LOXHD1: variants seen among roughly 807,000 people sequenced by gnomAD.
LOXHD1 encodes the protein lipoxygenase homology domain-containing protein 1.
In LOXHD1, 205 loss-of-function variants were observed where a neutral mutation model predicts 248.2. That is an observed-to-expected ratio of 0.83 (90% CI 0.74 to 0.93). LOXHD1 has a LOEUF of 0.93. Among genes scored for constraint, LOXHD1 ranks in the 40% least tolerant of loss-of-function variants. The probability of loss-of-function intolerance (pLI) is 0.00; values close to 1 mark genes in which losing one functional copy is unlikely to be tolerated. For missense variants in LOXHD1, 2,930 were observed against 2,971.6 expected (o/e 0.99, Z 0.33); for synonymous variants, 1,113 against 1,162.8 (o/e 0.96, Z 0.87).
chr18:46,596,325 G>T (rs2038256367), intron 8 of LOXHD1, among the ~76,000 whole-genome samples: 2 of 152,078 alleles, frequency 1.3e-5, no homozygotes, highest in Admixed American at 1.3e-4. Flanking sequence ...GCTGCCAAGG[G>T]GTTACAGAGA....
At chr18:46,513,936 A>G (rs1402477992) in intron 34 of LOXHD1, among the ~76,000 whole-genome samples, 4 of 152,170 alleles carry the variant, frequency 2.6e-5, no homozygotes, top group Non-Finnish European at 5.9e-5. Flanking sequence ...AGTTGGCTTC[A>G]GTGATGATGT....
At chr18:46,644,749 A>T (rs1408500360) in intron 2 of LOXHD1, among the ~76,000 whole-genome samples, 1 of 152,128 alleles carries the variant, frequency 6.6e-6, no homozygotes, top group East Asian at 1.9e-4. Flanking sequence ...AATGTGAGTT[A>T]TCTCCATTAC....
intron 4 of LOXHD1, among the ~76,000 whole-genome samples, chr18:46,632,060 G>A (rs2038831501): frequency 6.6e-6 from 1 of 152,222 alleles, no homozygotes. Flanking sequence ...AACAGAAGAG[G>A]CAGTGGGGAG....
chr18:46,590,017 AG>A (rs1330607164), intron 12 of LOXHD1, among the ~76,000 whole-genome samples: 1 of 152,340 alleles, frequency 6.6e-6, no homozygotes, highest in African/African-American at 2.4e-5. Context: ...TAAACAAAAA[AG>A]TTTTCACCAA....
intron 29 of LOXHD1, among the ~76,000 whole-genome samples, chr18:46,525,982 T>TG (rs547359278): frequency 1.3e-5 from 2 of 152,096 alleles, no homozygotes; most frequent in Admixed American, 6.5e-5. Flanking sequence ...AAGCTGCAGC[T>TG]GGGGGGCTGG....
intron 34 of LOXHD1, among the ~76,000 whole-genome samples, chr18:46,510,441 C>A (rs1427591197): frequency 6.6e-6 from 1 of 152,168 alleles, no homozygotes; most frequent in Non-Finnish European, 1.5e-5. Flanking sequence ...TATTTTCCTG[C>A]TGAATGACCT....
At chr18:46,642,069 G>A in intron 2 of LOXHD1, 33 bp from the exon 3 acceptor site, 1 of 1,542,932 alleles carries the variant, frequency 6.5e-7, no homozygotes, top group African/African-American at 1.4e-5. Flanking sequence ...GTGCAGATCA[G>A]CTGTTGGCTC....
chr18:46,625,160 A>C (rs1008190426), intron 4 of LOXHD1, among the ~76,000 whole-genome samples: 2 of 152,080 alleles, frequency 1.3e-5, no homozygotes, highest in African/African-American at 2.4e-5. Context: ...CATTGCCCCC[A>C]CCCTGCCAGC....
intron 40 of LOXHD1, among the ~76,000 whole-genome samples, chr18:46,482,046 C>T (rs2032621738): frequency 6.6e-6 from 1 of 152,202 alleles, no homozygotes; most frequent in Non-Finnish European, 1.5e-5. Context: ...CCCTGACTTG[C>T]TCAGTGAGTC....
intron 12 of LOXHD1, among the ~76,000 whole-genome samples, chr18:46,587,071 G>C (rs907415851): frequency 1.3e-5 from 2 of 152,186 alleles, no homozygotes; most frequent in Admixed American, 6.5e-5. Flanking sequence ...TAAGATTGAG[G>C]AGAAATCTCC....
At chr18:46,594,213 G>A in intron 9 of LOXHD1, 118 bp downstream of exon 9, 1 of 1,328,852 alleles carries the variant, frequency 7.5e-7, no homozygotes, top group Middle Eastern at 2.6e-4. Flanking sequence ...TTCCTTTCTG[G>A]AGGAGACTTG....
intron 29 of LOXHD1, among the ~76,000 whole-genome samples, chr18:46,525,542 T>G (rs2035791199): frequency 6.6e-6 from 1 of 152,078 alleles, no homozygotes; most frequent in Admixed American, 6.5e-5. Context: ...GGGGTTGTGA[T>G]ACAAGGCCCT....
At chr18:46,554,457 A>T (rs1400518900) in intron 21 of LOXHD1, among the ~76,000 whole-genome samples, 1 of 152,196 alleles carries the variant, frequency 6.6e-6, no homozygotes, top group Non-Finnish European at 1.5e-5. Flanking sequence ...GAAAGGGGAG[A>T]TTCACTATTC....
At chr18:46,576,194 A>T (rs2037850713) in intron 14 of LOXHD1, among the ~76,000 whole-genome samples, 1 of 152,232 alleles carries the variant, frequency 6.6e-6, no homozygotes, top group Non-Finnish European at 1.5e-5. Flanking sequence ...TATAGTAGGT[A>T]TAAATATATT....
At chr18:46,509,496 G>C in intron 35 of LOXHD1, 1 of 628,846 alleles carries the variant, frequency 1.6e-6, no homozygotes. Context: ...AGTTGCTTCA[G>C]TTCTCACTGG....
chr18:46,485,427 A>G (rs1224639409), intron 38 of LOXHD1, among the ~76,000 whole-genome samples: 1 of 152,108 alleles, frequency 6.6e-6, no homozygotes, highest in Non-Finnish European at 1.5e-5. Context: ...GTGGGGCTGA[A>G]CATTCAGCTA....
chr18:46,547,462 T>C (rs1024556655), intron 21 of LOXHD1, among the ~76,000 whole-genome samples: 1 of 152,164 alleles, frequency 6.6e-6, no homozygotes, highest in African/African-American at 2.4e-5. Context: ...TACATAAGTG[T>C]TGAACTAATG....
chr18:46,608,382 G>T (rs1008729782), intron 6 of LOXHD1, among the ~76,000 whole-genome samples: 1 of 152,168 alleles, frequency 6.6e-6, no homozygotes, highest in Non-Finnish European at 1.5e-5. Context: ...CCTCCTTGGG[G>T]AACCTTCCTA....
In LOXHD1 at chr18:46,604,201, C is replaced by A. The variant is rs2038380126; in HGVS notation, c.788G>T (p.Arg263Ile). 1.3e-6 allele frequency: 2 copies of A among 1,551,610 alleles called. No individual in the cohort carries two copies. Among genetic ancestry groups the A allele is most frequent in the Non-Finnish European group, 8.7e-7 (1 of 1,146,992 alleles). The change falls in exon 7 of 41, where the codon AGA becomes ATA. Residue 263 changes from arginine (R) to isoleucine (I), a missense_variant. Arg to Ile is a moderately conservative substitution (Grantham distance 97, BLOSUM62 -3). Coordinates refer to ENST00000642948, the MANE Select transcript of LOXHD1 (RefSeq NM_001384474.1). ...QIVIEDIGNK[R>I]KYDFPLNRWL... ...GCGGTTAAGGGGGAAGTCATATTTT[C>A]TTTTGTTCCCAATATCTTCAATGAC... is the stretch of plus-strand genomic sequence containing the variant.
Sources: allele counts gnomAD v4.1 joint callset (sites outside exome capture counted in the v4.1 genomes callset), GRCh38; gene constraint gnomAD v4.1.1; transcripts MANE v1.5; gene names NCBI Gene and HGNC (gene_info 2026-07-23, HGNC 2026-07-21).